PEX26: variants seen among roughly 807,000 people sequenced by gnomAD.
The protein encoded by PEX26 is peroxisome assembly protein 26.
A neutral mutation model predicts 31.4 loss-of-function variants in PEX26; 18 were observed. The observed-to-expected ratio is 0.57, with a 90% CI of 0.40 to 0.85. The LOEUF is 0.85. Ranked by LOEUF, PEX26 falls within the 40% of genes least tolerant of loss-of-function variation. The pLI is 0.00. For synonymous variants in PEX26, 176 were observed against 166.9 expected, an observed-to-expected ratio of 1.05 and a Z score of -0.42; for missense variants, 377 against 383.9, an observed-to-expected ratio of 0.98 and a Z score of 0.15.
intron 4 of PEX26, among the ~76,000 whole-genome samples, chr22:18,086,325 T>C (rs778758504): frequency 4.0e-5 from 6 of 151,812 alleles, no homozygotes; most frequent in Non-Finnish European, 5.9e-5. Flanking sequence ...ATGTGGAAAA[T>C]AGAGAAAAGT....
At chr22:18,079,286 C>G (rs362187) in intron 1 of PEX26, 949,677 of 980,102 alleles carry the variant, frequency 0.97, 462,144 homozygotes, top group East Asian at 1. Flanking sequence ...GCATTGTAAA[C>G]TTGGGTTAGG....
chr22:18,078,721 C>A, intron 1 of PEX26, 115 bp downstream of exon 1: 1 of 941,798 alleles, frequency 1.1e-6, no homozygotes, highest in Non-Finnish European at 1.7e-6. Flanking sequence ...ACCTCGCTTT[C>A]ATCAGTGGTT....
At position 18,078,393 on chromosome 22, in the gene PEX26, C is replaced by T. The variant is rs770013891; in HGVS notation, c.17C>T (p.Ser6Leu). 2.5e-6 allele frequency: 4 copies of T among 1,600,158 alleles called. No homozygotes were observed. Among genetic ancestry groups the T allele is most frequent in the Non-Finnish European group, 3.4e-6 (4 of 1,175,022 alleles). MKSDS[S>L]TSAAPLRGLG... The stretch of plus-strand genomic sequence containing the variant: ...GGACTCGTTATGAAGAGCGATTCTT[C>T]GACCTCTGCAGCCCCCCTCAGGGGG... Residue 6 changes from serine (S) to leucine (L), a missense_variant, in exon 1 of 5, where the codon TCG becomes TTG. Physicochemically the swap from Ser to Leu is moderately radical, Grantham distance 145. Coordinates refer to ENST00000399744, the MANE Select transcript of PEX26 (RefSeq NM_001127649.3).
Position 18,088,057 on chromosome 22 carries a change from G to C in PEX26, c.900G>C (p.Gln300His), listed in dbSNP as rs755724442. The C allele has an allele frequency of 3.7e-6, 6 of 1,611,420 alleles. No homozygotes were observed. In the Admixed American group the frequency reaches 5.0e-5, roughly 13 times the overall value. ...IRKAAFSRLY[Q>H]LRIRD is the part of the protein sequence containing the mutation. Reference sequence around the variant, plus strand: ...AGGCTGCATTTTCTCGCCTCTACCAGCTCCGCATCCGTGACTGAGGGTCCC... The same window carrying C: ...AGGCTGCATTTTCTCGCCTCTACCACCTCCGCATCCGTGACTGAGGGTCCC... Residue 300 changes from glutamine (Q) to histidine (H), a missense_variant, in exon 5 of 5, where the codon CAG (glutamine) becomes CAC (histidine). Transcript: ENST00000399744. The surrounding 1 kb of genome is among the most constrained non-coding windows in gnomAD (Gnocchi z 4.1).
intron 4 of PEX26, 121 bp downstream of exon 4, chr22:18,085,379 C>T: frequency 9.7e-7 from 1 of 1,029,866 alleles, no homozygotes; most frequent in Admixed American, 1.9e-5. Flanking sequence ...ATGACATTTC[C>T]CCTGAGTCTG....
In PEX26 at chr22:18,079,961, C is replaced by G. The variant is rs142072315; in HGVS notation, c.318C>G (p.Val106=). ...MDRWQEVLSW[V]LQYYQVPEKL... ...GGTGGCAAGAAGTCCTCTCCTGGGT[C>G]CTTCAGTATTACCAGGTCCCTGAAA... The change falls in exon 2 of 5, where the codon GTC becomes GTG. Residue 106 remains valine (V), a synonymous_variant. Transcript: ENST00000399744. 151 of 1,613,948 alleles carry G rather than the reference C, an allele frequency of 9.4e-5. No homozygotes were observed. Among genetic ancestry groups the G allele is most frequent in the African/African-American group, 8.7e-4 (65 of 74,906 alleles).
chr22:18,080,567 T>C (rs1926529391), intron 2 of PEX26, among the ~76,000 whole-genome samples: 1 of 152,192 alleles, frequency 6.6e-6, no homozygotes, highest in Non-Finnish European at 1.5e-5. Context: ...CCTGACCTCG[T>C]GATCCACCTG....
chr22:18,103,386 AC>A lies in PEX26; in HGVS notation c.*15312del, dbSNP rs1374274166. The stretch of plus-strand genomic sequence containing the variant: ...GTATCCTGGATACCCTGAGTTGATC[AC>A]TACACATTCTATGCATGTAATGAAA... On this transcript the variant is annotated 3_prime_UTR_variant, in exon 5 of 5. Coordinates refer to ENST00000399744, the MANE Select transcript of PEX26 (RefSeq NM_001127649.3). 1.3e-5 allele frequency: 2 copies of A among 152,152 alleles called. No homozygotes were observed. 9.4% of individuals were successfully genotyped at this position (152,152 alleles called of 1,614,324 possible). A position where few individuals can be genotyped will look rare whatever the true frequency, so the allele number is the denominator to read the frequency against.
At position 18,085,255 on chromosome 22, in the gene PEX26, C is replaced by G; in HGVS notation, c.811C>G (p.Pro271Ala). 1 of 1,614,026 alleles carries G rather than the reference C, an allele frequency of 6.2e-7. No individual in the cohort carries two copies. Among genetic ancestry groups the G allele is most frequent in the African/African-American group, 1.3e-5 (1 of 75,024 alleles). Reference sequence around the variant, plus strand: ...CTGTCTCCTGGTGGTGAGATTTGATCCAGGTAAGAGGTGGAGACTCTCCCC... The same window carrying G: ...CTGTCTCCTGGTGGTGAGATTTGATGCAGGTAAGAGGTGGAGACTCTCCCC... Reference protein sequence around the residue: ...ILCLLVVRFDPASPSSLHFLY... With the variant: ...ILCLLVVRFDAASPSSLHFLY... The change falls in exon 4 of 5, where the codon CCA becomes GCA. Residue 271 changes from proline to alanine, a missense_variant. Transcript: ENST00000399744.
rs1305617697 is a variant in PEX26 at position 18,090,198 on chromosome 22, A to G, written c.*2123A>G. 6.6e-6 allele frequency: 1 copy of G among 152,168 alleles called. No individual in the cohort carries two copies. The highest frequency in any genetic ancestry group is 2.4e-5 in the African/African-American group (1 of 41,432). The allele number at this position is 152,168 out of a possible 1,614,324, so 9.4% of individuals were successfully genotyped here. ...TTCCTTCTATAGAATGATTTCTTAA[A>G]ATGAAAATCTGGGCCCACTTAACTA... On this transcript the variant is annotated 3_prime_UTR_variant, in exon 5 of 5. Coordinates refer to ENST00000399744, the MANE Select transcript of PEX26 (RefSeq NM_001127649.3).
At chr22:18,079,174 A>G (rs1021607307) in intron 1 of PEX26, 4 of 981,912 alleles carry the variant, frequency 4.1e-6, no homozygotes, top group African/African-American at 3.5e-5. Context: ...TTCTCTACCA[A>G]AAAGAAGAAA....
chr22:18,079,777 C>T (rs1202338832), intron 1 of PEX26, 97 bp from the exon 2 acceptor site: 1 of 1,364,064 alleles, frequency 7.3e-7, no homozygotes, highest in Non-Finnish European at 1.0e-6. Context: ...ATGATGGCTG[C>T]TGAGTTGGGA....
chr22:18,094,802 T>C lies in PEX26; in HGVS notation c.*6727T>C, dbSNP rs1313979357. ...TCTTTTCTTCTTTTTTTTTTTGAGATGGAATCTTGCTCTTGTCACCTAGGC... is the reference window on the plus strand; with the variant it reads ...TCTTTTCTTCTTTTTTTTTTTGAGACGGAATCTTGCTCTTGTCACCTAGGC... On this transcript the variant is annotated 3_prime_UTR_variant, in exon 5 of 5. Coordinates refer to ENST00000399744, the MANE Select transcript of PEX26 (RefSeq NM_001127649.3). The C allele has an allele frequency of 6.6e-6, 1 of 150,756 alleles. No homozygotes were observed. The highest frequency in any genetic ancestry group is 1.5e-5 in the Non-Finnish European group (1 of 67,814). 9.3% of individuals were successfully genotyped at this position (150,756 alleles called of 1,614,324 possible). A position where few individuals can be genotyped will look rare whatever the true frequency, so the allele number is the denominator to read the frequency against.
In PEX26 at chr22:18,098,267, C is replaced by G. The variant is rs1303587623; in HGVS notation, c.*10192C>G. ...ATAGCTTTCTAGATATAGGATTGGACTGGTTTTGGTTCTGGCTCTGTTACT... is the reference window on the plus strand; with the variant it reads ...ATAGCTTTCTAGATATAGGATTGGAGTGGTTTTGGTTCTGGCTCTGTTACT... On this transcript the variant is annotated 3_prime_UTR_variant, in exon 5 of 5. Coordinates refer to ENST00000399744, the MANE Select transcript of PEX26 (RefSeq NM_001127649.3). 1 of 152,028 alleles carries G rather than the reference C, an allele frequency of 6.6e-6. No individual in the cohort carries two copies. Among genetic ancestry groups the G allele is most frequent in the Non-Finnish European group, 1.5e-5 (1 of 68,018 alleles). 9.4% of individuals were successfully genotyped at this position (152,028 alleles called of 1,614,324 possible).
rs529005909 is a variant in PEX26, at chr22:18,095,787, G to T, written c.*7712G>T. 1 of 150,698 alleles carries T rather than the reference G, an allele frequency of 6.6e-6. No homozygotes were observed. The highest frequency in any genetic ancestry group is 2.1e-4 in the South Asian group (1 of 4,766). 9.3% of individuals were successfully genotyped at this position (150,698 alleles called of 1,614,324 possible). On this transcript the variant is annotated 3_prime_UTR_variant, in exon 5 of 5. Coordinates refer to ENST00000399744, the MANE Select transcript of PEX26 (RefSeq NM_001127649.3). ...AAATGAGAGACATCATGGGATTGTG[G>T]TTAAGAGTGTGGGTCCCAGACCCAT...
rs1926380746 is a variant in PEX26 at position 18,078,335 on chromosome 22, A to T, written c.-42A>T. ...TCCCGGAGCCTCTGGGGAGGCGGTCACTCCGACGTCTGAGGACCTGGGCCT... is the reference window on the plus strand; with the variant it reads ...TCCCGGAGCCTCTGGGGAGGCGGTCTCTCCGACGTCTGAGGACCTGGGCCT... On this transcript the variant is annotated 5_prime_UTR_variant, in exon 1 of 5. Coordinates refer to ENST00000399744, the MANE Select transcript of PEX26 (RefSeq NM_001127649.3). 2 of 1,431,924 alleles carry T rather than the reference A, an allele frequency of 1.4e-6. No individual in the cohort carries two copies. Among genetic ancestry groups the T allele is most frequent in the Non-Finnish European group, 1.9e-6 (2 of 1,028,980 alleles). 88.7% of individuals were successfully genotyped at this position (1,431,924 alleles called of 1,614,324 possible).
At position 18,105,143 on chromosome 22, in the gene PEX26, A is replaced by C. The variant is rs1367761340; in HGVS notation, c.*17068A>C. The C allele has an allele frequency of 1.3e-5, 2 of 151,988 alleles. No homozygotes were observed. The highest frequency in any genetic ancestry group is 4.8e-5 in the African/African-American group (2 of 41,334). The allele number at this position is 151,988 out of a possible 1,614,324, so 9.4% of individuals were successfully genotyped here. Reference sequence around the variant, plus strand: ...AGCCTCCCTCAACATCATGACCTCCATCTGTAACACCCACCATCCTGGAGC... The same window carrying C: ...AGCCTCCCTCAACATCATGACCTCCCTCTGTAACACCCACCATCCTGGAGC... On this transcript the variant is annotated 3_prime_UTR_variant, in exon 5 of 5. Transcript: ENST00000399744.
At chr22:18,084,830 C>T (rs1926772701) in intron 3 of PEX26, among the ~76,000 whole-genome samples, 1 of 151,378 alleles carries the variant, frequency 6.6e-6, no homozygotes, top group South Asian at 2.1e-4. Flanking sequence ...TCAAGTGATT[C>T]TCGTGCCTCA....
chr22:18,079,514 C>T (rs963855100), intron 1 of PEX26, among the ~76,000 whole-genome samples: 1 of 152,204 alleles, frequency 6.6e-6, no homozygotes, highest in Non-Finnish European at 1.5e-5. Context: ...GCTCCAAGCC[C>T]ATTTGTTCAC....
Sources: allele counts gnomAD v4.1 joint callset (sites outside exome capture counted in the v4.1 genomes callset), GRCh38; gene constraint gnomAD v4.1.1; non-coding constraint Gnocchi (gnomAD v3.1); transcripts MANE v1.5; gene names NCBI Gene and HGNC (gene_info 2026-07-23, HGNC 2026-07-21).